Variants in AK8 observed in about 807,000 individuals in gnomAD.
AK8 encodes the protein ATP-AMP transphosphorylase 8.
Under a neutral mutation model 54.6 loss-of-function variants are expected in AK8, and 44 were observed. The observed-to-expected ratio is 0.81, with a 90% CI of 0.63 to 1.04. AK8 has a LOEUF of 1.04. AK8 is among the 50% of genes least tolerant of loss of function. The pLI, the probability that AK8 is intolerant of heterozygous loss-of-function variation, is 0.00. For synonymous variants in AK8, 239 were observed against 245.6 expected, an observed-to-expected ratio of 0.97 and a Z score of 0.25; for missense variants, 555 against 613.6, an observed-to-expected ratio of 0.90 and a Z score of 1.01.
In AK8 at chr9:132,823,298, G is replaced by T. The variant is rs1841731680; in HGVS notation, c.796C>A (p.Pro266Thr). 2.5e-6 allele frequency: 4 copies of T among 1,613,754 alleles called. No individual in the cohort carries two copies. The highest frequency in any genetic ancestry group is 3.4e-6 in the Non-Finnish European group (4 of 1,179,850). Reference protein sequence around the residue: ...YVQSNHRTNAPFTPRVLLLGP... With the variant: ...YVQSNHRTNATFTPRVLLLGP... ...AGCAGCAGCACCCTCGGGGTGAACG[G>T]GGCATTAGTACGATGGTTGCTTTGG... is the stretch of plus-strand genomic sequence containing the variant. Residue 266 changes from proline (P) to threonine (T), a missense_variant, in exon 9 of 13, where the codon CCG becomes ACG. Transcript: ENST00000298545.
chr9:132,835,952 C>T (rs575237135), intron 5 of AK8, among the ~76,000 whole-genome samples: 11 of 152,250 alleles, frequency 7.2e-5, no homozygotes, highest in African/African-American at 1.2e-4. Context: ...GGAGAAACCC[C>T]GTCTCTACTA....
At chr9:132,868,529 C>T (rs1164306973) in intron 2 of AK8, among the ~76,000 whole-genome samples, 1 of 152,216 alleles carries the variant, frequency 6.6e-6, no homozygotes, top group East Asian at 1.9e-4. Flanking sequence ...CTTCTCCCTC[C>T]CCGAGATCCT....
At chr9:132,875,747 G>A (rs902768996) in intron 1 of AK8, among the ~76,000 whole-genome samples, 11 of 152,144 alleles carry the variant, frequency 7.2e-5, no homozygotes, top group South Asian at 2.1e-4. Flanking sequence ...CCATCCCCCC[G>A]GCAGGCCATG....
chr9:132,828,113 A>G, intron 6 of AK8, 29 bp from the exon 7 acceptor site: 1 of 1,556,214 alleles, frequency 6.4e-7, no homozygotes, highest in Non-Finnish European at 8.7e-7. Flanking sequence ...GAGCAAAACC[A>G]GGCATGTCGG....
chr9:132,814,007 G>A lies in AK8; in HGVS notation c.979+631C>T, dbSNP rs373479530. ...ATAAAGGATGTGGGGGCAGGAAGTG[G>A]TGGCTTACACCTGTAATCCCAGCGT... On this transcript the variant is annotated intron_variant, in intron 10 of 12. Coordinates refer to ENST00000298545, the MANE Select transcript of AK8 (RefSeq NM_152572.3). Among the ~76,000 whole-genome samples the A allele has an allele frequency of 9.2e-5, 14 of 151,988 alleles. No individual in the cohort carries two copies. The East Asian group carries it at 2.5e-3, about 27-fold the overall frequency.
At chr9:132,779,302 G>C (rs1423796176) in intron 11 of AK8, among the ~76,000 whole-genome samples, 1 of 152,206 alleles carries the variant, frequency 6.6e-6, no homozygotes, top group Admixed American at 6.5e-5. Flanking sequence ...TGGGGGCTGT[G>C]TGTGCTTTAT....
chr9:132,789,280 C>T (rs113541100), intron 11 of AK8, among the ~76,000 whole-genome samples: 146 of 147,578 alleles, frequency 9.9e-4, no homozygotes, highest in Middle Eastern at 3.8e-3. Context: ...GGAGACAGAG[C>T]GAGACTCTGT....
chr9:132,814,535 G>C (rs1243369325), intron 10 of AK8, 103 bp downstream of exon 10: 1 of 1,167,214 alleles, frequency 8.6e-7, no homozygotes, highest in African/African-American at 1.6e-5. Flanking sequence ...TTTCCCGGCT[G>C]TTCTCCCCAA....
intron 8 of AK8, among the ~76,000 whole-genome samples, chr9:132,823,559 T>A (rs1408554686): frequency 2.0e-5 from 3 of 152,216 alleles, no homozygotes; most frequent in African/African-American, 4.8e-5. Context: ...GAAGCCACCC[T>A]GGAGCGCCGC....
chr9:132,875,886 G>T (rs1427614893), intron 1 of AK8, among the ~76,000 whole-genome samples: 1 of 152,228 alleles, frequency 6.6e-6, no homozygotes, highest in Non-Finnish European at 1.5e-5. Flanking sequence ...CTCCAGAATG[G>T]AACAGAATGT....
intron 10 of AK8, among the ~76,000 whole-genome samples, chr9:132,801,127 CAT>C (rs915965197): frequency 6.6e-6 from 1 of 152,080 alleles, no homozygotes; most frequent in Non-Finnish European, 1.5e-5. Context: ...GGGGTTTCAC[CAT>C]GTTGGCTACG....
intron 10 of AK8, among the ~76,000 whole-genome samples, chr9:132,809,119 G>A (rs142030778): frequency 1.1e-3 from 163 of 152,346 alleles, no homozygotes; most frequent in African/African-American, 3.6e-3. Context: ...AGGCAGGGGA[G>A]TGACTGGGTG....
chr9:132,794,178 C>G (rs756926152), intron 10 of AK8, among the ~76,000 whole-genome samples: 20 of 152,190 alleles, frequency 1.3e-4, no homozygotes, highest in Non-Finnish European at 2.8e-4. Context: ...TAGGAAAGAG[C>G]AGAAAAGGGT....
chr9:132,814,278 C>CA (rs71376658), intron 10 of AK8, among the ~76,000 whole-genome samples: 12,300 of 63,414 alleles, frequency 0.19, 3,303 homozygotes, highest in Non-Finnish European at 0.26. Context: ...TACCCTGTCT[C>CA]AAAAAAAAAA....
At position 132,770,355 on chromosome 9, in the gene AK8, T is replaced by A. The variant is rs1400762200; in HGVS notation, c.1121+22279A>T. 2.6e-5 allele frequency: 4 copies of A among 152,010 alleles called. No individual in the cohort carries two copies. The highest frequency in any genetic ancestry group is 9.7e-5 in the African/African-American group (4 of 41,388). 9.4% of individuals were successfully genotyped at this position (152,010 alleles called of 1,614,324 possible). A position where few individuals can be genotyped will look rare whatever the true frequency, so the allele number is the denominator to read the frequency against. On this transcript the variant is annotated intron_variant, in intron 11 of 12. Transcript: ENST00000298545. The surrounding 1 kb of genome is among the most constrained non-coding windows in gnomAD (Gnocchi z 4.3). ...GGCCTCTGCTGCTTCCTCAGTGCCATGAGGACCGCGCTCGATGGCGTCCAG... is the reference window on the plus strand; with the variant it reads ...GGCCTCTGCTGCTTCCTCAGTGCCAAGAGGACCGCGCTCGATGGCGTCCAG...
At chr9:132,827,811 C>T in intron 7 of AK8, 1 of 575,768 alleles carries the variant, frequency 1.7e-6, no homozygotes. Context: ...CTCCTTTAGC[C>T]TAAACAGGCC....
chr9:132,830,332 G>T (rs563041326), intron 5 of AK8, among the ~76,000 whole-genome samples: 2 of 152,012 alleles, frequency 1.3e-5, no homozygotes, highest in Non-Finnish European at 2.9e-5. Context: ...CTTCTTTTAC[G>T]ACTTTTGATA....
Position 132,771,436 on chromosome 9 carries a change from C to T in AK8, c.1121+21198G>A, listed in dbSNP as rs74471477. Among the ~76,000 whole-genome samples the T allele has an allele frequency of 9.3e-3, 1,421 of 152,288 alleles. 28 individuals are homozygous for T. Among genetic ancestry groups the T allele is most frequent in the African/African-American group, 0.032 (1,344 of 41,556 alleles). ...CGAGATTCTGTTTATGAAAATGTGT[C>T]GCCTTCCCTGGATCGTACAATCCTC... is the stretch of plus-strand genomic sequence containing the variant. On this transcript the variant is annotated intron_variant, in intron 11 of 12. Transcript: ENST00000298545.
At chr9:132,742,723 C>T (rs4962077) in intron 11 of AK8, among the ~76,000 whole-genome samples, 63,368 of 152,098 alleles carry the variant, frequency 0.42, 13,442 homozygotes, top group Admixed American at 0.55. Context: ...ATCTGCTTCC[C>T]GAGATTGCAT....
Sources: gnomAD v4.1 joint callset for allele counts (sites outside exome capture counted in the v4.1 genomes callset) on GRCh38, gnomAD v4.1.1 for gene constraint, Gnocchi (gnomAD v3.1) non-coding constraint, MANE v1.5 for transcripts, NCBI Gene and HGNC (gene_info 2026-07-23, HGNC 2026-07-21) for gene names.